TBC1D32: variants seen among roughly 807,000 people sequenced by gnomAD.
TBC1D32 encodes protein broad-minded.
A neutral mutation model predicts 170.3 loss-of-function variants in TBC1D32; 151 were observed. The observed-to-expected ratio is 0.89, with a 90% CI of 0.78 to 1.01. The LOEUF (loss-of-function observed/expected upper bound fraction) is 1.01, where lower values mean the gene tolerates loss of function less well. Among genes scored for constraint, TBC1D32 ranks in the 50% least tolerant of loss-of-function variants. The pLI is 0.00. For missense variants in TBC1D32, 1,464 were observed against 1,457.1 expected (o/e 1.00, Z -0.08); for synonymous variants, 498 against 488.0 (o/e 1.02, Z -0.27).
At chr6:121,220,433 G>T (rs1383906227) in intron 21 of TBC1D32, among the ~76,000 whole-genome samples, 1 of 152,054 alleles carries the variant, frequency 6.6e-6, no homozygotes, top group Non-Finnish European at 1.5e-5. Context: ...ACTCTCTTTA[G>T]TTTTACGAAG....
chr6:121,130,115 C>T (rs1239832144), intron 25 of TBC1D32, among the ~76,000 whole-genome samples: 1 of 151,964 alleles, frequency 6.6e-6, no homozygotes, highest in Non-Finnish European at 1.5e-5. Flanking sequence ...TTGCTAGAGA[C>T]GAGATTTTGC....
At chr6:121,215,405 T>C (rs917435811) in intron 21 of TBC1D32, among the ~76,000 whole-genome samples, 1 of 152,188 alleles carries the variant, frequency 6.6e-6, no homozygotes, top group African/African-American at 2.4e-5. Context: ...TCTTCCACAA[T>C]GAAGCTGGCA....
chr6:121,248,651 G>A (rs1002396913), intron 17 of TBC1D32, among the ~76,000 whole-genome samples: 1 of 151,424 alleles, frequency 6.6e-6, no homozygotes, highest in African/African-American at 2.4e-5. Context: ...AAATATAAAA[G>A]ATCATTCAAG....
intron 15 of TBC1D32, among the ~76,000 whole-genome samples, chr6:121,264,909 T>C (rs773624830): frequency 1.3e-5 from 2 of 152,180 alleles, no homozygotes; most frequent in Non-Finnish European, 2.9e-5. Context: ...TGATGGAACA[T>C]ATCTCAAAAT....
At chr6:121,330,457 C>T (rs1286422809) in intron 1 of TBC1D32, among the ~76,000 whole-genome samples, 1 of 152,148 alleles carries the variant, frequency 6.6e-6, no homozygotes, top group East Asian at 1.9e-4. Flanking sequence ...ACTATGGTCC[C>T]TCTGTATCAA....
At position 121,131,747 on chromosome 6, in the gene TBC1D32, C is replaced by T. The variant is rs1781461615; in HGVS notation, c.2779G>A (p.Asp927Asn). Residue 927 changes from aspartate to asparagine, a missense_variant, in exon 25 of 32, where the codon GAT (aspartate) becomes AAT (asparagine). By Grantham distance (23) the Asp-to-Asn change is conservative. Coordinates refer to ENST00000398212, the MANE Select transcript of TBC1D32 (RefSeq NM_152730.6). Reference protein sequence around the residue: ...TRNAGIKQDNDLDKLLLCLKI... With the variant: ...TRNAGIKQDNNLDKLLLCLKI... ...AGGCATAATAAAAGCTTGTCAAGATCATTGTCTAATCAGAAAGATAACATA... is the reference window on the plus strand; with the variant it reads ...AGGCATAATAAAAGCTTGTCAAGATTATTGTCTAATCAGAAAGATAACATA... 8.8e-6 allele frequency: 14 copies of T among 1,587,754 alleles called. No individual in the cohort carries two copies. Among genetic ancestry groups the T allele is most frequent in the Non-Finnish European group, 1.2e-5 (14 of 1,159,860 alleles).
intron 13 of TBC1D32, among the ~76,000 whole-genome samples, chr6:121,283,504 T>A (rs2128448618): frequency 6.6e-6 from 1 of 151,908 alleles, no homozygotes; most frequent in South Asian, 2.1e-4. Flanking sequence ...AAAAATCACA[T>A]TATGACCTAT....
chr6:121,151,941 T>C (rs1198930696), intron 24 of TBC1D32, among the ~76,000 whole-genome samples: 1 of 152,238 alleles, frequency 6.6e-6, no homozygotes, highest in Non-Finnish European at 1.5e-5. Context: ...TTGATGGGTC[T>C]TAACTCTTTA....
Position 121,215,582 on chromosome 6 carries a change from G to A in TBC1D32, c.2481+7654C>T, listed in dbSNP as rs538396201. On this transcript the variant is annotated intron_variant, in intron 21 of 31. Coordinates refer to ENST00000398212, the MANE Select transcript of TBC1D32 (RefSeq NM_152730.6). ...ACATTAAACAGACAACCTATAGTAT[G>A]AGAGAAAATATTTACAAACTATGCA... Among the ~76,000 whole-genome samples, 9 of 152,078 alleles carry A rather than the reference G, an allele frequency of 5.9e-5. No homozygotes were observed. In the East Asian group the frequency reaches 1.7e-3, roughly 29 times the overall value.
At chr6:121,094,494 A>C (rs894494639) in intron 30 of TBC1D32, among the ~76,000 whole-genome samples, 1 of 152,158 alleles carries the variant, frequency 6.6e-6, no homozygotes, top group African/African-American at 2.4e-5. Context: ...AAGTTCTGCA[A>C]ATCAACTGAC....
At chr6:121,127,303 CA>C (rs1780958978) in intron 25 of TBC1D32, among the ~76,000 whole-genome samples, 1 of 151,954 alleles carries the variant, frequency 6.6e-6, no homozygotes, top group East Asian at 1.9e-4. Flanking sequence ...GTGAAAAGTC[CA>C]AAATCAAAGA....
intron 24 of TBC1D32, among the ~76,000 whole-genome samples, chr6:121,138,959 C>T (rs1782458099): frequency 6.6e-6 from 1 of 152,084 alleles, no homozygotes; most frequent in Non-Finnish European, 1.5e-5. Flanking sequence ...ATTCTCCTCC[C>T]TCAGCCTCTG....
rs140431692 is a variant in TBC1D32 at position 121,331,873 on chromosome 6, A to C, written c.155+2403T>G. On this transcript the variant is annotated intron_variant, in intron 1 of 31. Transcript: ENST00000398212. ...TAAGACACAGATCTCAGACTACTGCAGCTAAGACATTATAAATTTTATCCT... is the reference window on the plus strand; with the variant it reads ...TAAGACACAGATCTCAGACTACTGCCGCTAAGACATTATAAATTTTATCCT... Among the ~76,000 whole-genome samples, 179 of 152,316 alleles carry C rather than the reference A, an allele frequency of 1.2e-3. 1 individual carries two copies. The highest frequency in any genetic ancestry group is 9.3e-3 in the East Asian group (48 of 5,180).
At chr6:121,312,233 A>G (rs754478443) in intron 3 of TBC1D32, among the ~76,000 whole-genome samples, 1 of 152,148 alleles carries the variant, frequency 6.6e-6, no homozygotes, top group Non-Finnish European at 1.5e-5. Flanking sequence ...TAGGACAAAT[A>G]CCAAATGCAT....
intron 17 of TBC1D32, among the ~76,000 whole-genome samples, chr6:121,251,422 C>T (rs1408788031): frequency 6.6e-6 from 1 of 152,190 alleles, no homozygotes; most frequent in East Asian, 1.9e-4. Context: ...ACCATGTGAT[C>T]TTCAACAAAC....
At chr6:121,299,619 C>T (rs1044012297) in intron 9 of TBC1D32, 114 bp from the exon 10 acceptor site, 4 of 1,026,266 alleles carry the variant, frequency 3.9e-6, no homozygotes, top group African/African-American at 1.6e-5. Flanking sequence ...TAGGTTTAAA[C>T]CCTTATAGTC....
chr6:121,103,095 A>G (rs145912000), intron 30 of TBC1D32, among the ~76,000 whole-genome samples: 2,196 of 152,218 alleles, frequency 0.014, 38 homozygotes, highest in African/African-American at 0.043. Flanking sequence ...CAGGTGCTGG[A>G]GAGGATGTGG....
chr6:121,201,940 G>A (rs369991155), intron 22 of TBC1D32, among the ~76,000 whole-genome samples: 5 of 151,110 alleles, frequency 3.3e-5, no homozygotes, highest in East Asian at 1.9e-4. Context: ...TTAAAGAGAC[G>A]GTTGGGTCAC....
chr6:121,170,665 T>G, intron 22 of TBC1D32: 1 of 567,610 alleles, frequency 1.8e-6, no homozygotes, highest in East Asian at 3.6e-5. Flanking sequence ...ATTTCAGATA[T>G]ATTTTTAATA....
Sources: gnomAD v4.1 joint callset for allele counts (sites outside exome capture counted in the v4.1 genomes callset) on GRCh38, gnomAD v4.1.1 for gene constraint, MANE v1.5 for transcripts, NCBI Gene and HGNC (gene_info 2026-07-23, HGNC 2026-07-21) for gene names.